The following HVCN1 variants were observed in gnomAD, a reference collection of about 807,000 sequenced individuals.
The protein encoded by HVCN1 is voltage-gated hydrogen channel 1.
In HVCN1, 14 loss-of-function variants were observed where a neutral mutation model predicts 29.2. The observed-to-expected ratio is 0.48, with a 90% confidence interval of 0.32 to 0.75. HVCN1 has a LOEUF of 0.75. HVCN1 is among the 30% of genes least tolerant of loss of function. The probability of loss-of-function intolerance (pLI) is 0.04; values close to 1 mark genes in which losing one functional copy is unlikely to be tolerated. For synonymous variants in HVCN1, 131 were observed against 133.2 expected, an observed-to-expected ratio of 0.98 and a Z score of 0.11; for missense variants, 263 against 341.8, an observed-to-expected ratio of 0.77 and a Z score of 1.82.
chr12:110,675,391 G>A (rs1041656264), intron 3 of HVCN1, among the ~76,000 whole-genome samples: 9 of 151,974 alleles, frequency 5.9e-5, no homozygotes, highest in Non-Finnish European at 1.0e-4. Context: ...CCTGGGAGGC[G>A]GAGGTTGCAG....
At chr12:110,685,689 GTTGTT>G (rs778522280) in intron 2 of HVCN1, among the ~76,000 whole-genome samples, 9 of 150,994 alleles carry the variant, frequency 6.0e-5, no homozygotes, top group Middle Eastern at 3.2e-3. Context: ...TTTTGTTGTT[GTTGTT>G]TTGTTTTGTT....
In HVCN1 at chr12:110,657,075, A is replaced by G. The variant is rs1229444754; in HGVS notation, c.307-1737T>C. Among the ~76,000 whole-genome samples, 6 of 152,238 alleles carry G rather than the reference A, an allele frequency of 3.9e-5. No homozygotes were observed. In the East Asian group the frequency reaches 7.7e-4, roughly 20 times the overall value. ...GCAGACAGACAAGATCACACATTAT[A>G]TGATCCCATCTAATGAAATGTCCAG... On this transcript the variant is annotated intron_variant, in intron 4 of 7. Transcript: ENST00000242607.
At chr12:110,663,579 C>T (rs553925428) in intron 3 of HVCN1, among the ~76,000 whole-genome samples, 27 of 111,856 alleles carry the variant, frequency 2.4e-4, no homozygotes, top group African/African-American at 5.9e-4. Context: ...CAGAGTGAGA[C>T]GCTGTCTCAA....
At chr12:110,662,379 T>C (rs746751360) in intron 3 of HVCN1, among the ~76,000 whole-genome samples, 2 of 152,130 alleles carry the variant, frequency 1.3e-5, no homozygotes, top group Non-Finnish European at 2.9e-5. Flanking sequence ...GAGCTTAGGA[T>C]AGGAAAAGAT....
At chr12:110,671,183 C>T (rs775637901) in intron 3 of HVCN1, among the ~76,000 whole-genome samples, 6 of 152,012 alleles carry the variant, frequency 3.9e-5, no homozygotes, top group Non-Finnish European at 8.8e-5. Context: ...AAAAATTAGC[C>T]GGGCGTGGTG....
chr12:110,674,759 T>C (rs560597685), intron 3 of HVCN1, among the ~76,000 whole-genome samples: 2 of 152,304 alleles, frequency 1.3e-5, no homozygotes, highest in South Asian at 2.1e-4. Context: ...TCGCCAGCCA[T>C]ATGGAACTAT....
In HVCN1 at chr12:110,676,512, T is replaced by C. The variant is rs1326258612; in HGVS notation, c.21+6713A>G. ...AGACTGCTTGTGGAAACAGCATGGT[T>C]TATGCTGAACTCCTACTTTCATTTG... is the stretch of plus-strand genomic sequence containing the variant. On this transcript the variant is annotated intron_variant, in intron 3 of 7. Transcript: ENST00000242607. The surrounding 1 kb of genome is among the most constrained non-coding windows in gnomAD (Gnocchi z 4.1). 6.6e-6 allele frequency among the ~76,000 whole-genome samples: 1 copy of C among 152,164 alleles called. No homozygotes were observed. The highest frequency in any genetic ancestry group is 6.5e-5 in the Admixed American group (1 of 15,278).
At chr12:110,666,020 G>GA (rs111302602) in intron 3 of HVCN1, among the ~76,000 whole-genome samples, 217 of 121,064 alleles carry the variant, frequency 1.8e-3, no homozygotes, top group Admixed American at 2.4e-3. Context: ...AAAAAAGAAG[G>GA]AAAAAAAAAA....
At chr12:110,686,393 G>A (rs988278734) in intron 2 of HVCN1, among the ~76,000 whole-genome samples, 2 of 152,096 alleles carry the variant, frequency 1.3e-5, no homozygotes, top group African/African-American at 4.8e-5. Flanking sequence ...AGGGTGCAAG[G>A]GACTCTTAGA....
intron 3 of HVCN1, among the ~76,000 whole-genome samples, chr12:110,670,255 A>G (rs953815288): frequency 5.9e-5 from 9 of 152,068 alleles, no homozygotes; most frequent in Non-Finnish European, 1.3e-4. Context: ...TGGGAGGGGG[A>G]AAGTCCCTAG....
At position 110,661,202 on chromosome 12, in the gene HVCN1, C is replaced by T; in HGVS notation, c.268G>A (p.Gly90Ser). The change falls in exon 4 of 8, where the codon GGC becomes AGC. Residue 90 changes from glycine to serine, a missense_variant. Coordinates refer to ENST00000242607, the MANE Select transcript of HVCN1 (RefSeq NM_032369.4). The surrounding 1 kb of genome is among the most constrained non-coding windows in gnomAD (Gnocchi z 6.2). ...PAPRAPLDFR[G>S]MLRKLFSSHR... is the part of the protein sequence containing the mutation. Reference sequence around the variant, plus strand: ...GAGCTGAACAGTTTCCTCAACATGCCCCTGAAGTCAAGGGGGGCCCTGGGT... The same window carrying T: ...GAGCTGAACAGTTTCCTCAACATGCTCCTGAAGTCAAGGGGGGCCCTGGGT... The T allele has an allele frequency of 6.2e-7, 1 of 1,613,238 alleles. No individual in the cohort carries two copies. The highest frequency in any genetic ancestry group is 8.5e-7 in the Non-Finnish European group (1 of 1,179,424).
rs1449334148 is a variant in HVCN1, at chr12:110,655,220, C to G, written c.411+14G>C. ...ACATATCAGTAAGACCCCAGAAGAGCTGTCAACCCCTACCATGGCAGCATA... is the reference window on the plus strand; with the variant it reads ...ACATATCAGTAAGACCCCAGAAGAGGTGTCAACCCCTACCATGGCAGCATA... On this transcript the variant is annotated intron_variant, in intron 5 of 7. Transcript: ENST00000242607. 1.9e-6 allele frequency: 3 copies of G among 1,593,788 alleles called. No homozygotes were observed. In the Admixed American group the frequency reaches 5.0e-5, roughly 27 times the overall value.
chr12:110,681,691 C>G (rs2068978843), intron 3 of HVCN1, among the ~76,000 whole-genome samples: 1 of 152,154 alleles, frequency 6.6e-6, no homozygotes, highest in Admixed American at 6.5e-5. Flanking sequence ...CGTGGTCATT[C>G]TGACCCTCAC....
chr12:110,694,820 C>A lies in HVCN1; in HGVS notation c.-103-6112G>T, dbSNP rs1218450393. 1.3e-5 allele frequency among the ~76,000 whole-genome samples: 2 copies of A among 152,258 alleles called. No homozygotes were observed. The highest frequency in any genetic ancestry group is 3.8e-4 in the East Asian group (2 of 5,200). ...GTGAAAAGGGCACGGTCACCTCCAA[C>A]TCTCTTCTCTGGCACTCGGCTCAGC... is the stretch of plus-strand genomic sequence containing the variant. On this transcript the variant is annotated intron_variant, in intron 2 of 4. Coordinates refer to the HVCN1 transcript ENST00000546713. The surrounding 1 kb of genome is among the most constrained non-coding windows in gnomAD (Gnocchi z 4.6).
intron 6 of HVCN1, among the ~76,000 whole-genome samples, chr12:110,650,583 G>A (rs991774371): frequency 9.2e-5 from 14 of 152,242 alleles, no homozygotes; most frequent in Non-Finnish European, 1.3e-4. Flanking sequence ...GCACAACAGC[G>A]GTGTCCATAG....
At chr12:110,664,657 A>G (rs2068282990) in intron 3 of HVCN1, among the ~76,000 whole-genome samples, 2 of 152,232 alleles carry the variant, frequency 1.3e-5, no homozygotes, top group Admixed American at 1.3e-4. Context: ...GCCTGGAGGT[A>G]CTTTCTGGAC....
intron 5 of HVCN1, 29 bp downstream of exon 5, chr12:110,655,205 A>T: frequency 3.2e-6 from 5 of 1,540,906 alleles, no homozygotes; most frequent in Non-Finnish European, 4.5e-6. Flanking sequence ...ACATATCAGT[A>T]AGACCCCAGA....
rs200828154 is a variant in HVCN1 at position 110,661,360 on chromosome 12, G to A, written c.110C>T (p.Ala37Val). The change falls in exon 4 of 8, where the codon GCC becomes GTC. Residue 37 changes from alanine to valine, a missense_variant. By Grantham distance (64) the Ala-to-Val change is moderately conservative. Transcript: ENST00000242607. The surrounding 1 kb of genome is among the most constrained non-coding windows in gnomAD (Gnocchi z 6.2). ...CCATTTCTTGTAGTTGATGTTCCAG[G>A]CATGGTAGTCGTCTCCCACGACCGT... ...HFTVVGDDYH[A>V]WNINYKKWEN... The A allele has an allele frequency of 6.2e-7, 1 of 1,614,042 alleles. No individual in the cohort carries two copies. The highest frequency in any genetic ancestry group is 8.5e-7 in the Non-Finnish European group (1 of 1,180,022).
In HVCN1 at chr12:110,676,800, C is replaced by A. The variant is rs895403655; in HGVS notation, c.21+6425G>T. On this transcript the variant is annotated intron_variant, in intron 3 of 7. Transcript: ENST00000242607. This position sits in a 1 kb window ranked among gnomAD's most constrained non-coding sequence, Gnocchi z 4.1. ...CCCTTTACTGATTTTAATTTCAATC[C>A]TTTTGTGGCAATTAATCTGAGCCAG... Among the ~76,000 whole-genome samples, 1 of 152,060 alleles carries A rather than the reference C, an allele frequency of 6.6e-6. No homozygotes were observed. Among genetic ancestry groups the A allele is most frequent in the African/African-American group, 2.4e-5 (1 of 41,406 alleles).
Sources: gnomAD v4.1 joint callset for allele counts (sites outside exome capture counted in the v4.1 genomes callset) on GRCh38, gnomAD v4.1.1 for gene constraint, Gnocchi (gnomAD v3.1) non-coding constraint, MANE v1.5 for transcripts, NCBI Gene and HGNC (gene_info 2026-07-23, HGNC 2026-07-21) for gene names.